The following RORA variants were observed in gnomAD, a reference collection of about 807,000 sequenced individuals.
RORA encodes RAR related orphan receptor A, also known as nuclear receptor ROR-alpha.
In RORA, 7 loss-of-function variants were observed where a neutral mutation model predicts 69.5. The ratio of observed to expected loss-of-function variants is 0.10; its 90% CI spans 0.06 to 0.19. RORA has a LOEUF of 0.19. Among genes scored for constraint, RORA ranks in the 10% least tolerant of loss-of-function variants. The pLI, the probability that RORA is intolerant of heterozygous loss-of-function variation, is 1.00. For synonymous variants in RORA, 261 were observed against 240.8 expected, an observed-to-expected ratio of 1.08 and a Z score of -0.78; for missense variants, 457 against 663.0, an observed-to-expected ratio of 0.69 and a Z score of 3.41.
At chr15:60,539,781 G>A (rs2066802047) in intron 2 of RORA, among the ~76,000 whole-genome samples, 1 of 151,502 alleles carries the variant, frequency 6.6e-6, no homozygotes, top group African/African-American at 2.4e-5. Context: ...GAACGTATTT[G>A]TTGTTAAGGA....
intron 1 of RORA, among the ~76,000 whole-genome samples, chr15:60,785,473 C>T (rs1479315517): frequency 6.6e-6 from 1 of 152,226 alleles, no homozygotes; most frequent in Non-Finnish European, 1.5e-5. Flanking sequence ...AGAGTTGTAA[C>T]TGCCAGGACA....
chr15:60,719,089 A>T (rs1462131107), intron 1 of RORA, among the ~76,000 whole-genome samples: 1 of 14,662 alleles, frequency 6.8e-5, no homozygotes, highest in Non-Finnish European at 1.2e-4. Flanking sequence ...AAAAGGCCTG[A>T]TGAAAACTGT....
intron 2 of RORA, among the ~76,000 whole-genome samples, chr15:60,557,788 A>T (rs943411470): frequency 1.3e-5 from 2 of 152,236 alleles, no homozygotes; most frequent in Admixed American, 6.5e-5. Context: ...ATCTCAGCTG[A>T]TTAGAGCTTT....
chr15:60,504,483 G>C (rs1252732972), intron 6 of RORA, among the ~76,000 whole-genome samples: 1 of 152,248 alleles, frequency 6.6e-6, no homozygotes, highest in East Asian at 1.9e-4. Context: ...GGAGGCGGAG[G>C]TTGCAGTGAG....
intron 2 of RORA, among the ~76,000 whole-genome samples, chr15:60,654,515 G>A (rs1053465710): frequency 2.6e-5 from 4 of 152,172 alleles, no homozygotes; most frequent in Admixed American, 6.5e-5. Flanking sequence ...GTTCCTTAAC[G>A]CAGTAAACTG....
intron 2 of RORA, among the ~76,000 whole-genome samples, chr15:60,561,941 A>C (rs1031275793): frequency 6.6e-6 from 1 of 151,994 alleles, no homozygotes; most frequent in Admixed American, 6.6e-5. Flanking sequence ...CAAAAAAAAA[A>C]ATTTTTTTTC....
intron 1 of RORA, among the ~76,000 whole-genome samples, chr15:60,824,693 T>C (rs560339762): frequency 6.6e-6 from 1 of 152,208 alleles, no homozygotes; most frequent in Non-Finnish European, 1.5e-5. Context: ...CGTACGATTG[T>C]TGCTGTGAAG....
chr15:60,666,637 G>A (rs1283654628), intron 2 of RORA, among the ~76,000 whole-genome samples: 1 of 152,182 alleles, frequency 6.6e-6, no homozygotes, highest in East Asian at 1.9e-4. Flanking sequence ...GATGCTACTT[G>A]TGTTGGCCTT....
intron 1 of RORA, among the ~76,000 whole-genome samples, chr15:60,930,299 T>C (rs1015201872): frequency 2.0e-5 from 3 of 152,124 alleles, no homozygotes; most frequent in Admixed American, 6.5e-5. Context: ...GTGTGCCCTA[T>C]TTAGTCATTT....
intron 1 of RORA, among the ~76,000 whole-genome samples, chr15:61,137,083 GAAAGAAAGAAAGAAA>G (rs2079251457): frequency 6.8e-6 from 1 of 146,492 alleles, no homozygotes; most frequent in Non-Finnish European, 1.5e-5. Flanking sequence ...AAGAAAGAAA[GAAAGAAAGAAAGAAA>G]GAAAAAAGCA....
chr15:60,938,026 G>C (rs1239579530), intron 1 of RORA, among the ~76,000 whole-genome samples: 1 of 152,146 alleles, frequency 6.6e-6, no homozygotes, highest in Admixed American at 6.5e-5. Flanking sequence ...CTCAGAGAAC[G>C]AAAATTAGCA....
At chr15:61,087,616 C>A (rs975139965) in intron 1 of RORA, among the ~76,000 whole-genome samples, 1 of 152,148 alleles carries the variant, frequency 6.6e-6, no homozygotes. Context: ...AGGAAGGGGA[C>A]AAATGAGGTC....
intron 2 of RORA, among the ~76,000 whole-genome samples, chr15:60,653,029 T>A (rs1202341684): frequency 6.6e-6 from 1 of 152,216 alleles, no homozygotes; most frequent in East Asian, 1.9e-4. Context: ...ATCACCAGAC[T>A]TCAGCCCGTA....
chr15:60,971,162 T>A (rs962480344), intron 1 of RORA, among the ~76,000 whole-genome samples: 13 of 152,200 alleles, frequency 8.5e-5, no homozygotes, highest in Non-Finnish European at 1.5e-4. Context: ...GAAAGGGACA[T>A]CATGCCATGT....
intron 2 of RORA, among the ~76,000 whole-genome samples, chr15:60,554,182 G>C (rs1417152193): frequency 6.6e-6 from 1 of 152,068 alleles, no homozygotes; most frequent in Non-Finnish European, 1.5e-5. Flanking sequence ...GCTGATAATT[G>C]ATTTTTTAAA....
chr15:60,655,138 A>G (rs1279848486), intron 2 of RORA, among the ~76,000 whole-genome samples: 1 of 152,158 alleles, frequency 6.6e-6, no homozygotes, highest in Admixed American at 6.5e-5. Context: ...ATGAGAATGG[A>G]ATGTACCAAA....
At chr15:61,208,441 T>C (rs1295409468) in intron 1 of RORA, among the ~76,000 whole-genome samples, 2 of 152,210 alleles carry the variant, frequency 1.3e-5, no homozygotes, top group East Asian at 3.8e-4. Flanking sequence ...GTGGATCTTC[T>C]GGGGCTGATG....
At chr15:60,839,779 A>G (rs1405812707) in intron 1 of RORA, among the ~76,000 whole-genome samples, 2 of 152,222 alleles carry the variant, frequency 1.3e-5, no homozygotes, top group Admixed American at 6.5e-5. Context: ...GTTCACTTAC[A>G]GGCACCAGAA....
chr15:61,228,080 C>T (rs1164990950), intron 1 of RORA, among the ~76,000 whole-genome samples: 1 of 152,028 alleles, frequency 6.6e-6, no homozygotes, highest in African/African-American at 2.4e-5. Flanking sequence ...TAAAAATCGC[C>T]AGGGGAGGAG....
Sources: allele counts gnomAD v4.1 joint callset (sites outside exome capture counted in the v4.1 genomes callset), GRCh38; gene constraint gnomAD v4.1.1; transcripts MANE v1.5; gene names NCBI Gene and HGNC (gene_info 2026-07-23, HGNC 2026-07-21).